PTPRD: variants seen among roughly 807,000 people sequenced by gnomAD.
PTPRD encodes protein tyrosine phosphatase receptor type D.
In PTPRD, 34 loss-of-function variants were observed where a neutral mutation model predicts 214.5. That is an observed-to-expected ratio of 0.16 (90% CI 0.12 to 0.21). The LOEUF (loss-of-function observed/expected upper bound fraction) is 0.21, where lower values mean the gene tolerates loss of function less well. Ranked by LOEUF, PTPRD falls within the 10% of genes least tolerant of loss-of-function variation. PTPRD has a pLI of 1.00. For synonymous variants in PTPRD, 1,128 were observed against 845.7 expected, an observed-to-expected ratio of 1.33 and a Z score of -5.79; for missense variants, 2,545 against 2,398.7, an observed-to-expected ratio of 1.06 and a Z score of -1.27.
intron 9 of PTPRD, among the ~76,000 whole-genome samples, chr9:9,215,395 T>A (rs1225931470): frequency 6.6e-6 from 1 of 151,998 alleles, no homozygotes; most frequent in Non-Finnish European, 1.5e-5. Flanking sequence ...GGAGAGAAAA[T>A]AAAAATACCC....
intron 5 of PTPRD, among the ~76,000 whole-genome samples, chr9:9,867,777 C>T (rs1462453182): frequency 6.6e-6 from 1 of 152,074 alleles, no homozygotes; most frequent in African/African-American, 2.4e-5. Context: ...TAAGCTCAAA[C>T]ATTAAAAAGG....
At chr9:9,881,401 C>G (rs575626490) in intron 5 of PTPRD, among the ~76,000 whole-genome samples, 67 of 152,140 alleles carry the variant, frequency 4.4e-4, no homozygotes, top group Non-Finnish European at 7.8e-4. Context: ...CAGTTCTCTG[C>G]TCTTGTAACA....
chr9:9,775,911 G>C (rs563333538), intron 5 of PTPRD, among the ~76,000 whole-genome samples: 20 of 130,786 alleles, frequency 1.5e-4, no homozygotes, highest in Non-Finnish European at 2.8e-4. Context: ...AGCCAAGATC[G>C]GGCCACTGCC....
chr9:9,170,737 G>A (rs539125213), intron 10 of PTPRD, among the ~76,000 whole-genome samples: 12 of 152,294 alleles, frequency 7.9e-5, no homozygotes, highest in African/African-American at 2.9e-4. Context: ...TAATTAATAT[G>A]TGCTTATTGA....
chr9:9,168,591 C>G (rs539432335), intron 10 of PTPRD, among the ~76,000 whole-genome samples: 32 of 151,858 alleles, frequency 2.1e-4, no homozygotes, highest in African/African-American at 7.7e-4. Flanking sequence ...AAGTAAGCAG[C>G]GAAACTTATA....
chr9:9,948,373 C>T (rs142551951), intron 4 of PTPRD, among the ~76,000 whole-genome samples: 196 of 152,180 alleles, frequency 1.3e-3, no homozygotes, highest in Admixed American at 3.2e-3. Flanking sequence ...TGCCACTCTT[C>T]TCCCAAAATT....
At chr9:8,481,703 T>G (rs1591626094) in intron 30 of PTPRD, among the ~76,000 whole-genome samples, 1 of 152,184 alleles carries the variant, frequency 6.6e-6, no homozygotes, top group Admixed American at 6.5e-5. Context: ...TTCCCCTCAT[T>G]GCTTCAATGA....
intron 8 of PTPRD, among the ~76,000 whole-genome samples, chr9:9,523,661 C>T (rs765827570): frequency 6.6e-6 from 1 of 152,208 alleles, no homozygotes; most frequent in East Asian, 1.9e-4. Context: ...GTTTTCAGTT[C>T]GACTCATTTA....
chr9:9,785,658 C>G (rs2098917485), intron 5 of PTPRD, among the ~76,000 whole-genome samples: 3 of 152,012 alleles, frequency 2.0e-5, no homozygotes, highest in Admixed American at 6.5e-5. Context: ...TGCAATTCGA[C>G]ATAGTAATTT....
intron 9 of PTPRD, among the ~76,000 whole-genome samples, chr9:9,331,957 G>C (rs2042470051): frequency 6.6e-6 from 1 of 152,026 alleles, no homozygotes; most frequent in African/African-American, 2.4e-5. Context: ...GTTGTTGCTT[G>C]AAGAACATCC....
At chr9:8,510,032 C>A (rs1173813640) in intron 21 of PTPRD, among the ~76,000 whole-genome samples, 1 of 152,022 alleles carries the variant, frequency 6.6e-6, no homozygotes, top group Non-Finnish European at 1.5e-5. Flanking sequence ...ATCTGTAACC[C>A]CAGCACTTTG....
At chr9:9,285,196 C>T (rs1948982413) in intron 9 of PTPRD, among the ~76,000 whole-genome samples, 1 of 151,568 alleles carries the variant, frequency 6.6e-6, no homozygotes, top group Non-Finnish European at 1.5e-5. Flanking sequence ...TTCTCTCTTC[C>T]TCTATATGTT....
At chr9:9,869,979 T>C (rs2065014724) in intron 5 of PTPRD, among the ~76,000 whole-genome samples, 1 of 152,074 alleles carries the variant, frequency 6.6e-6, no homozygotes, top group African/African-American at 2.4e-5. Context: ...TGTGTATATA[T>C]GTATACAAAC....
chr9:9,638,691 T>C (rs1296636010), intron 7 of PTPRD, among the ~76,000 whole-genome samples: 2 of 152,220 alleles, frequency 1.3e-5, no homozygotes, highest in Non-Finnish European at 2.9e-5. Flanking sequence ...AGGTATTTGT[T>C]AAGGCAACAG....
intron 7 of PTPRD, among the ~76,000 whole-genome samples, chr9:9,625,748 G>A (rs1402177211): frequency 1.3e-5 from 2 of 152,116 alleles, no homozygotes; most frequent in African/African-American, 4.8e-5. Flanking sequence ...TTCTTCACAT[G>A]CAACAAGTAG....
At chr9:9,422,730 G>A (rs1323455729) in intron 8 of PTPRD, among the ~76,000 whole-genome samples, 4 of 152,086 alleles carry the variant, frequency 2.6e-5, no homozygotes, top group East Asian at 3.9e-4. Flanking sequence ...AGATAGCTAC[G>A]AATTGAGGGA....
intron 4 of PTPRD, among the ~76,000 whole-genome samples, chr9:10,017,098 A>C (rs12349713): frequency 6.6e-6 from 1 of 152,150 alleles, no homozygotes. Flanking sequence ...CAGTAATGTG[A>C]ATAAAGTTCC....
At chr9:9,492,041 T>G (rs1264230206) in intron 8 of PTPRD, among the ~76,000 whole-genome samples, 2 of 151,702 alleles carry the variant, frequency 1.3e-5, no homozygotes, top group Non-Finnish European at 1.5e-5. Flanking sequence ...ATTACTAAAA[T>G]GAGAAATGAA....
At chr9:9,406,013 A>G (rs2073172477) in intron 8 of PTPRD, among the ~76,000 whole-genome samples, 2 of 152,028 alleles carry the variant, frequency 1.3e-5, no homozygotes, top group Non-Finnish European at 2.9e-5. Context: ...GTGCATTAAA[A>G]ATGTATTATT....
Sources: allele counts gnomAD v4.1 joint callset (sites outside exome capture counted in the v4.1 genomes callset), GRCh38; gene constraint gnomAD v4.1.1; transcripts MANE v1.5; gene names NCBI Gene and HGNC (gene_info 2026-07-23, HGNC 2026-07-21).